The following GATA2 variants were observed in gnomAD, a reference collection of about 807,000 sequenced individuals.
GATA2 encodes endothelial transcription factor GATA-2.
In GATA2, 6 loss-of-function variants were observed where a neutral mutation model predicts 35.7. That is an observed-to-expected ratio of 0.17 (90% CI 0.09 to 0.33). The LOEUF is 0.33. Among genes scored for constraint, GATA2 ranks in the 10% least tolerant of loss-of-function variants. The pLI, the probability that GATA2 is intolerant of heterozygous loss-of-function variation, is 1.00. For synonymous variants in GATA2, 313 were observed against 274.9 expected (o/e 1.14, Z -1.37); for missense variants, 541 against 656.6 (o/e 0.82, Z 1.92).
rs2107675336 is a variant in GATA2, at chr3:128,488,871, G to A, written c.-45-1795C>T. On this transcript the variant is annotated intron_variant, in intron 1 of 5. Transcript: ENST00000341105. The surrounding 1 kb of genome is among the most constrained non-coding windows in gnomAD (Gnocchi z 5.8). ...CTTCCTCCCTCCCATTGTACAGACT[G>A]GGGAGACGGAGGCTCGAAGGGAGCC... 6.6e-6 allele frequency among the ~76,000 whole-genome samples: 1 copy of A among 152,208 alleles called. No individual in the cohort carries two copies. Among genetic ancestry groups the A allele is most frequent in the African/African-American group, 2.4e-5 (1 of 41,548 alleles).
At position 128,486,038 on chromosome 3, in the gene GATA2, G is replaced by A; in HGVS notation, c.560C>T (p.Thr187Ile). 1 of 1,614,144 alleles carries A rather than the reference G, an allele frequency of 6.2e-7. No individual in the cohort carries two copies. Among genetic ancestry groups the A allele is most frequent in the Non-Finnish European group, 8.5e-7 (1 of 1,180,000 alleles). Residue 187 changes from threonine to isoleucine, a missense_variant, in exon 3 of 6, where the codon ACC becomes ATC. Thr to Ile is a moderately conservative substitution (Grantham distance 89). Transcript: ENST00000341105. The stretch of plus-strand genomic sequence containing the variant: ...TGAGGCTGGAGACGCAGCCCCCGTG[G>A]TGCTAGGGTCAGGAGACACTTCTTT... ...PPKEVSPDPS[T>I]TGAASPASSS...
Position 128,487,281 on chromosome 3 carries a change from C to A in GATA2, c.-45-205G>T, listed in dbSNP as rs909836980. Among the ~76,000 whole-genome samples the A allele has an allele frequency of 1.2e-4, 19 of 152,322 alleles. No individual in the cohort carries two copies. In the East Asian group the frequency reaches 1.5e-3, roughly 12 times the overall value. On this transcript the variant is annotated intron_variant, in intron 1 of 5. Coordinates refer to ENST00000341105, the MANE Select transcript of GATA2 (RefSeq NM_032638.5). Reference sequence around the variant, plus strand: ...CCACGCACACTCACGTGGTGACCCGCGGCTCCAGAATCACACACCCGTGCA... The same window carrying A: ...CCACGCACACTCACGTGGTGACCCGAGGCTCCAGAATCACACACCCGTGCA...
chr3:128,491,810 G>C (rs1374080154), intron 1 of GATA2, among the ~76,000 whole-genome samples: 1 of 152,042 alleles, frequency 6.6e-6, no homozygotes, highest in African/African-American at 2.4e-5. Context: ...GCTCCCCGCG[G>C]AACCCTGCTG....
At chr3:128,487,120 A>AC in intron 1 of GATA2, 44 bp from the exon 2 acceptor site, 1 of 1,150,020 alleles carries the variant, frequency 8.7e-7, no homozygotes, top group Non-Finnish European at 1.2e-6. Flanking sequence ...AGCGCCTGAC[A>AC]CCCCCCAAAG....
chr3:128,481,806 G>A lies in GATA2; in HGVS notation c.1143+13C>T, dbSNP rs112111696. ...CTGGGAGGGGCGGGGTGGCCGGGGC[G>A]GGGCGCACTCACATTGTGCAGCTTG... On this transcript the variant is annotated intron_variant, in intron 5 of 5. Transcript: ENST00000341105. The A allele has an allele frequency of 3.0e-5, 49 of 1,610,762 alleles. 1 individual carries two copies. The highest frequency in any genetic ancestry group is 9.3e-5 in the African/African-American group (7 of 75,024).
intron 4 of GATA2, among the ~76,000 whole-genome samples, chr3:128,483,305 GT>G (rs1326276740): frequency 1.3e-5 from 2 of 152,190 alleles, no homozygotes; most frequent in Non-Finnish European, 2.9e-5. Context: ...GATACACGAA[GT>G]TTCCTTATCT....
Position 128,486,133 on chromosome 3 carries a change from T to A in GATA2, c.465A>T (p.Ser155=), listed in dbSNP as rs1029991239. 6.2e-7 allele frequency: 1 copy of A among 1,605,234 alleles called. No homozygotes were observed. ...GGGSGGGSGS[S]VASLTPTAAH... The stretch of plus-strand genomic sequence containing the variant: ...CTGCTGTAGGGGTGAGGGAGGCCAC[T>A]GAGCTCCCGCTGCCTCCCCCGCTCC... Residue 155 remains serine, a synonymous_variant, in exon 3 of 6, where the codon TCA becomes TCT. Transcript: ENST00000341105.
rs1194571051 is a variant in GATA2 at position 128,485,768 on chromosome 3, C to T, written c.830G>A (p.Ser277Asn). 12 of 1,614,012 alleles carry T rather than the reference C, an allele frequency of 7.4e-6. No individual in the cohort carries two copies. Among genetic ancestry groups the T allele is most frequent in the East Asian group, 2.2e-5 (1 of 44,870 alleles). The change falls in exon 3 of 6, where the codon AGC becomes AAC. Residue 277 changes from serine (S) to asparagine (N), a missense_variant. Physicochemically the swap from Ser to Asn is conservative, Grantham distance 46. Around this residue, in one of 5 missense-constraint regions of GATA2, gnomAD observed 389 missense variants for 396.9 expected, o/e 0.98. Transcript: ENST00000341105. ...CTTGCTGCGCTGCTTAGGGGTGAAG[C>T]TGGAGGCCGGTCCCCCCAGGAAGCC... ...PGGFLGGPASSFTPKQRSKAR... is the reference protein window; with the variant it reads ...PGGFLGGPASNFTPKQRSKAR...
intron 3 of GATA2, among the ~76,000 whole-genome samples, chr3:128,484,405 C>T (rs1296853356): frequency 1.3e-5 from 2 of 152,138 alleles, no homozygotes; most frequent in African/African-American, 2.4e-5. Flanking sequence ...CCCGCTCTGG[C>T]GCGTCTCTCC....
At chr3:128,481,618 C>T (rs1000133717) in intron 5 of GATA2, among the ~76,000 whole-genome samples, 3 of 152,148 alleles carry the variant, frequency 2.0e-5, no homozygotes, top group Non-Finnish European at 4.4e-5. Flanking sequence ...TTCCCTAGTC[C>T]GAGACCCTGT....
chr3:128,481,802 G>A lies in GATA2; in HGVS notation c.1143+17C>T, dbSNP rs766239005. 8.7e-6 allele frequency: 14 copies of A among 1,609,888 alleles called. No individual in the cohort carries two copies. The highest frequency in any genetic ancestry group is 5.5e-5 in the South Asian group (5 of 91,024). ...TCCCCTGGGAGGGGCGGGGTGGCCG[G>A]GGCGGGGCGCACTCACATTGTGCAG... On this transcript the variant is annotated intron_variant, in intron 5 of 5. Coordinates refer to ENST00000341105, the MANE Select transcript of GATA2 (RefSeq NM_032638.5).
Position 128,480,299 on chromosome 3 carries a change from T to A in GATA2, c.*720A>T, listed in dbSNP as rs2068608073. The A allele has an allele frequency of 4.3e-6, 1 of 233,246 alleles. No individual in the cohort carries two copies. Among genetic ancestry groups the A allele is most frequent in the Admixed American group, 5.6e-5 (1 of 17,782 alleles). The allele number at this position is 233,246 out of a possible 1,614,324, so 14.4% of individuals were successfully genotyped here. A position where few individuals can be genotyped will look rare whatever the true frequency, so the allele number is the denominator to read the frequency against. On this transcript the variant is annotated 3_prime_UTR_variant, in exon 6 of 6. Transcript: ENST00000341105. Reference sequence around the variant, plus strand: ...AGTAAGGGGACACAGTCACAGCAGCTTCGGCCTCAAAGCCAAGGGAGCGAT... The same window carrying A: ...AGTAAGGGGACACAGTCACAGCAGCATCGGCCTCAAAGCCAAGGGAGCGAT...
Position 128,485,385 on chromosome 3 carries a change from G to A in GATA2, c.871+342C>T, listed in dbSNP as rs72983369. The stretch of plus-strand genomic sequence containing the variant: ...ATGCACATACAGAGTCACTTCCCTC[G>A]CTTCACATACTAAGTCCTGAGGTGG... On this transcript the variant is annotated intron_variant, in intron 3 of 5. Coordinates refer to ENST00000341105, the MANE Select transcript of GATA2 (RefSeq NM_032638.5). 0.053 allele frequency among the ~76,000 whole-genome samples: 8,088 copies of A among 152,078 alleles called. 390 individuals carry two copies. Among genetic ancestry groups the A allele is most frequent in the African/African-American group, 0.12 (5,054 of 41,442 alleles).
In GATA2 at chr3:128,480,950, A is replaced by G; in HGVS notation, c.*69T>C. On this transcript the variant is annotated 3_prime_UTR_variant, in exon 6 of 6. Coordinates refer to ENST00000341105, the MANE Select transcript of GATA2 (RefSeq NM_032638.5). The stretch of plus-strand genomic sequence containing the variant: ...GCAGGAGTGGTGTCGGCCTTCGGGA[A>G]ATGCTGGGCTGCTAAGGGTTTGGTC... 1 of 1,449,726 alleles carries G rather than the reference A, an allele frequency of 6.9e-7. No homozygotes were observed. Among genetic ancestry groups the G allele is most frequent in the African/African-American group, 1.4e-5 (1 of 70,664 alleles). 89.8% of individuals were successfully genotyped at this position (1,449,726 alleles called of 1,614,324 possible). A position where few individuals can be genotyped will look rare whatever the true frequency, so the allele number is the denominator to read the frequency against.
intron 4 of GATA2, 154 bp from the exon 5 acceptor site, chr3:128,482,098 G>A (rs1293065063): frequency 2.1e-6 from 2 of 972,612 alleles, no homozygotes; most frequent in Non-Finnish European, 1.5e-6. Context: ...TGGAATTTTA[G>A]AATTTGAGAA....
In GATA2 at chr3:128,486,172, T is replaced by C. The variant is rs2068696125; in HGVS notation, c.426A>G (p.Pro142=). 2 of 1,567,388 alleles carry C rather than the reference T, an allele frequency of 1.3e-6. No homozygotes were observed. The highest frequency in any genetic ancestry group is 1.7e-6 in the Non-Finnish European group (2 of 1,156,426). The stretch of plus-strand genomic sequence containing the variant: ...CTCCCCCGCTCCCACCCCCAGCCCC[T>C]GGGTACACAGAGAGTGGGCCTCCAG... ...GGPGGPLSVY[P]GAGGGSGGGS... Residue 142 remains proline, a synonymous_variant, in exon 3 of 6, where the codon CCA becomes CCG. Coordinates refer to ENST00000341105, the MANE Select transcript of GATA2 (RefSeq NM_032638.5).
chr3:128,485,234 A>T (rs2068679388), intron 3 of GATA2, among the ~76,000 whole-genome samples: 1 of 152,312 alleles, frequency 6.6e-6, no homozygotes, highest in African/African-American at 2.4e-5. Context: ...CGAAATCCCA[A>T]GATCAGACTG....
At chr3:128,483,643 G>A (rs1282206078) in intron 4 of GATA2, among the ~76,000 whole-genome samples, 3 of 152,232 alleles carry the variant, frequency 2.0e-5, no homozygotes, top group East Asian at 1.9e-4. Context: ...GGTGGCGCAA[G>A]GGTGCCCGGT....
At chr3:128,489,210 G>A (rs1576751889) in intron 1 of GATA2, 1 of 152,206 alleles carries the variant, frequency 6.6e-6, no homozygotes, top group African/African-American at 2.4e-5. Flanking sequence ...GCCAGGAAAT[G>A]AACTTTTTAA....
Sources: gnomAD v4.1 joint callset for allele counts (sites outside exome capture counted in the v4.1 genomes callset) on GRCh38, gnomAD v4.1.1 for gene constraint, gnomAD v4.1.1 regional missense constraint, Gnocchi (gnomAD v3.1) non-coding constraint, MANE v1.5 for transcripts, NCBI Gene and HGNC (gene_info 2026-07-23, HGNC 2026-07-21) for gene names.